Variants in ABI1 observed in about 807,000 individuals in gnomAD.
The protein encoded by ABI1 is Abelson interactor 1.
A neutral mutation model predicts 54.6 loss-of-function variants in ABI1; 14 were observed. The ratio of observed to expected loss-of-function variants is 0.26; its 90% confidence interval spans 0.17 to 0.40. The LOEUF (loss-of-function observed/expected upper bound fraction) is 0.40. Ranked by LOEUF, ABI1 falls within the 10% of genes least tolerant of loss-of-function variation. The probability of loss-of-function intolerance (pLI) is 1.00; values close to 1 mark genes in which losing one functional copy is unlikely to be tolerated. For missense variants in ABI1, 443 were observed against 598.3 expected (o/e 0.74, Z 2.71); for synonymous variants, 194 against 209.3 (o/e 0.93, Z 0.63).
intron 2 of ABI1, among the ~76,000 whole-genome samples, chr10:26,811,739 T>C (rs528309192): frequency 1.4e-3 from 16 of 11,476 alleles, no homozygotes; most frequent in African/African-American, 2.4e-3. Context: ...TTGTATAAAT[T>C]TGTATAAATT....
At chr10:26,753,563 T>C (rs1288324028) in intron 9 of ABI1, among the ~76,000 whole-genome samples, 1 of 152,214 alleles carries the variant, frequency 6.6e-6, no homozygotes, top group Non-Finnish European at 1.5e-5. Context: ...CATAAAGAGA[T>C]GTAAACACAC....
chr10:26,801,742 TA>T (rs763387353), intron 2 of ABI1, among the ~76,000 whole-genome samples: 10 of 152,228 alleles, frequency 6.6e-5, no homozygotes, highest in Non-Finnish European at 7.3e-5. Context: ...CTAATGGCCC[TA>T]AATTCTGCAT....
At chr10:26,836,611 C>T (rs1489421508) in intron 1 of ABI1, among the ~76,000 whole-genome samples, 2 of 152,092 alleles carry the variant, frequency 1.3e-5, no homozygotes, top group South Asian at 2.1e-4. Context: ...CCACAATAGC[C>T]GCGTAACATT....
intron 3 of ABI1, among the ~76,000 whole-genome samples, chr10:26,774,571 A>G (rs1370394551): frequency 6.6e-6 from 1 of 152,138 alleles, no homozygotes; most frequent in African/African-American, 2.4e-5. Context: ...CAAAAATCGA[A>G]CCAGATTTAC....
At chr10:26,776,889 T>C in intron 3 of ABI1, 176 bp downstream of exon 3, 1 of 546,484 alleles carries the variant, frequency 1.8e-6, no homozygotes, top group Non-Finnish European at 3.1e-6. Context: ...ATACAGCCTA[T>C]TCAACTGATA....
At chr10:26,849,356 A>C (rs2050224016) in intron 1 of ABI1, among the ~76,000 whole-genome samples, 1 of 152,252 alleles carries the variant, frequency 6.6e-6, no homozygotes, top group African/African-American at 2.4e-5. Context: ...TCACTTTAAA[A>C]TGTTCTTGAT....
chr10:26,793,488 C>G (rs2133233930), intron 2 of ABI1, among the ~76,000 whole-genome samples: 1 of 152,276 alleles, frequency 6.6e-6, no homozygotes, highest in Middle Eastern at 3.4e-3. Flanking sequence ...CCACTTGGAT[C>G]AGAATTATTC....
chr10:26,761,859 T>A (rs1839278227), intron 7 of ABI1, among the ~76,000 whole-genome samples: 1 of 151,804 alleles, frequency 6.6e-6, no homozygotes, highest in African/African-American at 2.4e-5. Flanking sequence ...AAATATATCA[T>A]AATTTATTTA....
At chr10:26,792,865 C>A (rs1275005951) in intron 2 of ABI1, among the ~76,000 whole-genome samples, 2 of 152,122 alleles carry the variant, frequency 1.3e-5, no homozygotes. Flanking sequence ...TTTTTCCTCT[C>A]CCTTGTCACT....
intron 1 of ABI1, among the ~76,000 whole-genome samples, chr10:26,829,018 A>C (rs187289669): frequency 0.016 from 2,358 of 152,052 alleles, 51 homozygotes; most frequent in African/African-American, 0.054. Flanking sequence ...CGAGCTCAGG[A>C]GATCGAGACC....
intron 10 of ABI1, 52 bp from the exon 11 acceptor site, chr10:26,748,797 ACTTG>A: frequency 7.5e-7 from 1 of 1,329,778 alleles, no homozygotes; most frequent in Non-Finnish European, 1.0e-6. Context: ...TCCAAAATTT[ACTTG>A]AATTTTAAGA....
intron 7 of ABI1, chr10:26,763,763 T>C: frequency 1.1e-6 from 1 of 880,004 alleles, no homozygotes; most frequent in Admixed American, 2.1e-5. Context: ...TACTTTAAAC[T>C]TTGTATTATC....
chr10:26,782,373 A>C (rs1842219264), intron 2 of ABI1, among the ~76,000 whole-genome samples: 1 of 152,114 alleles, frequency 6.6e-6, no homozygotes, highest in Non-Finnish European at 1.5e-5. Flanking sequence ...AACAACAAAA[A>C]AAAAAACCCG....
chr10:26,762,271 G>A (rs1314324332), intron 7 of ABI1, among the ~76,000 whole-genome samples: 2 of 152,156 alleles, frequency 1.3e-5, no homozygotes, highest in Non-Finnish European at 2.9e-5. Flanking sequence ...GCCTCCCAAA[G>A]TGCTAGGATT....
chr10:26,786,214 T>G (rs1842714737), intron 2 of ABI1, among the ~76,000 whole-genome samples: 2 of 150,338 alleles, frequency 1.3e-5, no homozygotes, highest in Admixed American at 6.7e-5. Flanking sequence ...AGAATGCCTC[T>G]CTACACTTTT....
intron 1 of ABI1, among the ~76,000 whole-genome samples, chr10:26,825,382 C>T (rs529048072): frequency 2.6e-5 from 4 of 151,950 alleles, no homozygotes; most frequent in Admixed American, 6.6e-5. Context: ...TTTTTTTGGC[C>T]GGGTGCCATG....
intron 1 of ABI1, among the ~76,000 whole-genome samples, chr10:26,855,942 G>A (rs1486571005): frequency 7.4e-6 from 1 of 135,652 alleles, no homozygotes; most frequent in East Asian, 2.2e-4. Flanking sequence ...CCGCACTCCA[G>A]CCTGGGTGAC....
rs1841500131 is a variant in ABI1 at position 26,777,071 on chromosome 10, A to G, written c.456T>C (p.Gly152=). The G allele has an allele frequency of 6.3e-7, 1 of 1,586,984 alleles. No individual in the cohort carries two copies. Among genetic ancestry groups the G allele is most frequent in the Admixed American group, 1.9e-5 (1 of 52,094 alleles). The change falls in exon 3 of 11, where the codon GGT becomes GGC. Residue 152 remains glycine (G), a synonymous_variant. Coordinates refer to ENST00000376140, the MANE Select transcript of ABI1 (RefSeq NM_001012750.3). ...TGTAATATAAAATGCTTACCTTGAC[A>G]CCATGGCCCACATCATCCAGAACTG... ...DYTVLDDVGH[G]VKWLKAKHGN...
At chr10:26,758,311 GCAAA>G (rs1005523980) in intron 8 of ABI1, among the ~76,000 whole-genome samples, 1 of 152,092 alleles carries the variant, frequency 6.6e-6, no homozygotes, top group African/African-American at 2.4e-5. Flanking sequence ...TAAGCTAAAA[GCAAA>G]CAGTGGACAA....
Sources: allele counts gnomAD v4.1 joint callset (sites outside exome capture counted in the v4.1 genomes callset), GRCh38; gene constraint gnomAD v4.1.1; transcripts MANE v1.5; gene names NCBI Gene and HGNC (gene_info 2026-07-23, HGNC 2026-07-21).